MED23: variants seen among roughly 807,000 people sequenced by gnomAD.
The protein encoded by MED23 is mediator complex subunit 23.
In MED23, 105 loss-of-function variants were observed where a neutral mutation model predicts 163.9. The observed-to-expected ratio is 0.64, with a 90% CI of 0.55 to 0.75. The LOEUF (loss-of-function observed/expected upper bound fraction) is 0.75, where lower values mean the gene tolerates loss of function less well. Among genes scored for constraint, MED23 ranks in the 30% least tolerant of loss-of-function variants. The pLI is 0.00. For missense variants in MED23, 1,054 were observed against 1,649.0 expected, an observed-to-expected ratio of 0.64 and a Z score of 6.25; for synonymous variants, 561 against 565.6, an observed-to-expected ratio of 0.99 and a Z score of 0.12.
At chr6:131,618,337 T>A (rs916238861) in intron 9 of MED23, 70 bp downstream of exon 9, 2 of 984,672 alleles carry the variant, frequency 2.0e-6, no homozygotes, top group African/African-American at 3.2e-5. Flanking sequence ...CAATTTAGCA[T>A]CACATATCTT....
intron 30 of MED23, chr6:131,579,815 A>T (rs1773823481): frequency 6.2e-6 from 1 of 161,610 alleles, no homozygotes; most frequent in South Asian, 1.7e-4. Context: ...CTTGTACATG[A>T]TGACTTTGTT....
intron 10 of MED23, among the ~76,000 whole-genome samples, chr6:131,612,380 C>T (rs907242765): frequency 4.0e-5 from 6 of 151,552 alleles, no homozygotes; most frequent in African/African-American, 9.7e-5. Flanking sequence ...AAGACAGGTA[C>T]ATTAAAATTA....
At position 131,610,292 on chromosome 6, in the gene MED23, A is replaced by G. The variant is rs372150991; in HGVS notation, c.877-46T>C. 10 of 1,574,484 alleles carry G rather than the reference A, an allele frequency of 6.4e-6. No homozygotes were observed. The Middle Eastern group carries it at 5.1e-4, about 80-fold the overall frequency. On this transcript the variant is annotated intron_variant, in intron 10 of 28. Transcript: ENST00000368068. The stretch of plus-strand genomic sequence containing the variant: ...ACAGTATTCCAAAAGCCTCTCGGTT[A>G]GTTTCAGAAGTTACCAGTTAATGGG...
intron 4 of MED23, 40 bp from the exon 5 acceptor site, chr6:131,623,502 AT>A: frequency 6.4e-7 from 1 of 1,552,126 alleles, no homozygotes; most frequent in Non-Finnish European, 8.9e-7. Context: ...ACAAGACAGA[AT>A]TTTCCAAGTT....
At chr6:131,608,702 G>T (rs1038612582) in intron 11 of MED23, among the ~76,000 whole-genome samples, 2 of 152,046 alleles carry the variant, frequency 1.3e-5, no homozygotes, top group African/African-American at 2.4e-5. Flanking sequence ...CACCCCACCC[G>T]GCTGGTTTTC....
At chr6:131,605,509 A>T (rs745747383) in intron 13 of MED23, 24 bp from the exon 14 acceptor site, 1 of 1,543,308 alleles carries the variant, frequency 6.5e-7, no homozygotes, top group Non-Finnish European at 8.7e-7. Context: ...TTCCATTAAA[A>T]AGAAAAAATG....
At chr6:131,617,418 G>T (rs1585553664) in intron 9 of MED23, among the ~76,000 whole-genome samples, 2 of 146,710 alleles carry the variant, frequency 1.4e-5, no homozygotes, top group Non-Finnish European at 1.5e-5. Flanking sequence ...CTATGCTATT[G>T]TAACTATGAT....
At chr6:131,613,850 T>TCC (rs1776453819) in intron 10 of MED23, among the ~76,000 whole-genome samples, 2 of 148,828 alleles carry the variant, frequency 1.3e-5, no homozygotes, top group Non-Finnish European at 3.0e-5. Flanking sequence ...TCAATTGTTT[T>TCC]GTCAATTTCT....
At position 131,598,104 on chromosome 6, in the gene MED23, AAAACAAAAAC is replaced by A. The variant is rs1366537958; in HGVS notation, c.2607+173_2607+182del. The A allele has an allele frequency of 1.1e-5, 8 of 702,614 alleles. No individual in the cohort carries two copies. The highest frequency in any genetic ancestry group is 5.7e-5 in the South Asian group (3 of 52,636). The allele number at this position is 702,614 out of a possible 1,614,324, so 43.5% of individuals were successfully genotyped here. On this transcript the variant is annotated intron_variant, in intron 20 of 28. Coordinates refer to ENST00000368068, the MANE Select transcript of MED23 (RefSeq NM_004830.4). This position sits in a 1 kb window ranked among gnomAD's most constrained non-coding sequence, Gnocchi z 4.7. ...GACCCTGTCTCAAAAAACAAACAAAAAAACAAAAACAAACAAAAACAGAAATTGGAAAATT... is the reference window on the plus strand; with the variant it reads ...GACCCTGTCTCAAAAAACAAACAAAAAAACAAAAACAGAAATTGGAAAATT...
At chr6:131,609,263 C>T (rs1373628881) in intron 11 of MED23, among the ~76,000 whole-genome samples, 1 of 152,180 alleles carries the variant, frequency 6.6e-6, no homozygotes, top group Non-Finnish European at 1.5e-5. Flanking sequence ...TTAGAACAGG[C>T]ACATGGCCAT....
chr6:131,620,588 C>T lies in MED23; in HGVS notation c.597+40G>A, dbSNP rs374115551. On this transcript the variant is annotated intron_variant, in intron 7 of 28. Coordinates refer to ENST00000368068, the MANE Select transcript of MED23 (RefSeq NM_004830.4). The stretch of plus-strand genomic sequence containing the variant: ...AGTGCTGTGAGCCACGAAGCCCAGC[C>T]GAAAATTTTTATTAAAAATTCAGGA... 4.6e-5 allele frequency: 68 copies of T among 1,481,888 alleles called. No homozygotes were observed. In the African/African-American group the frequency reaches 5.8e-4, roughly 13 times the overall value. The allele number at this position is 1,481,888 out of a possible 1,614,324, so 91.8% of individuals were successfully genotyped here. A position where few individuals can be genotyped will look rare whatever the true frequency, so the allele number is the denominator to read the frequency against.
chr6:131,583,433 C>T (rs556756212), downstream of MED23: 5 of 1,614,078 alleles, frequency 3.1e-6, no homozygotes, highest in South Asian at 2.2e-5. Context: ...GCACACCAGT[C>T]GTGGGAGGTC....
At chr6:131,621,122 T>TACAATG (rs1303289802) in intron 6 of MED23, among the ~76,000 whole-genome samples, 5 of 152,100 alleles carry the variant, frequency 3.3e-5, no homozygotes, top group African/African-American at 4.8e-5. Context: ...TTTTAAACAC[T>TACAATG]ACAATGACAA....
At position 131,628,128 on chromosome 6, in the gene MED23, G is replaced by A; in HGVS notation, c.-79C>T. ...CGAGCTCTGGGAATATAGGGGCAGAGGGGCGGAGACCTCTGGAGGAAACCG... is the reference window on the plus strand; with the variant it reads ...CGAGCTCTGGGAATATAGGGGCAGAAGGGCGGAGACCTCTGGAGGAAACCG... On this transcript the variant is annotated 5_prime_UTR_variant, in exon 1 of 29. Transcript: ENST00000368068. 6.5e-7 allele frequency: 1 copy of A among 1,533,518 alleles called. No homozygotes were observed. Among genetic ancestry groups the A allele is most frequent in the Non-Finnish European group, 9.0e-7 (1 of 1,110,384 alleles). The allele number at this position is 1,533,518 out of a possible 1,614,324, so 95.0% of individuals were successfully genotyped here.
intron 10 of MED23, among the ~76,000 whole-genome samples, chr6:131,613,952 G>T (rs564118037): frequency 6.2e-4 from 94 of 152,054 alleles, no homozygotes; most frequent in African/African-American, 2.2e-3. Context: ...AATGACCATG[G>T]GTACATTTAT....
At chr6:131,594,058 C>T in intron 23 of MED23, 41 bp downstream of exon 23, 1 of 1,449,156 alleles carries the variant, frequency 6.9e-7, no homozygotes, top group Non-Finnish European at 9.7e-7. Context: ...AATCAAAATA[C>T]TGTTATTTCT....
intron 14 of MED23, among the ~76,000 whole-genome samples, 168 bp downstream of exon 14, chr6:131,605,072 A>G (rs1011632951): frequency 6.6e-6 from 1 of 152,196 alleles, no homozygotes; most frequent in Non-Finnish European, 1.5e-5. Flanking sequence ...TTTATCCTAG[A>G]ATTCCTATAA....
chr6:131,628,032 C>T lies in MED23; in HGVS notation c.18G>A (p.Gln6=). 1.2e-6 allele frequency: 2 copies of T among 1,614,082 alleles called. No individual in the cohort carries two copies. Among genetic ancestry groups the T allele is most frequent in the Non-Finnish European group, 1.7e-6 (2 of 1,180,040 alleles). The change falls in exon 1 of 29, where the codon CAG becomes CAA. Residue 6 remains glutamine, a synonymous_variant. Coordinates refer to ENST00000368068, the MANE Select transcript of MED23 (RefSeq NM_004830.4). METQL[Q]SIFEEVVKTE... ...TCACCACCACCTCTTCGAAAATGCT[C>T]TGCAGTTGCGTCTCCATCTGTACTA... is the stretch of plus-strand genomic sequence containing the variant.
At chr6:131,587,902 C>T (rs890189065) in intron 28 of MED23, 56 bp from the exon 29 acceptor site, 9 of 1,455,456 alleles carry the variant, frequency 6.2e-6, no homozygotes, top group Non-Finnish European at 8.5e-6. Flanking sequence ...CAACTTCTCA[C>T]ATTTAAAGCA....
Sources: allele counts gnomAD v4.1 joint callset (sites outside exome capture counted in the v4.1 genomes callset), GRCh38; gene constraint gnomAD v4.1.1; non-coding constraint Gnocchi (gnomAD v3.1); transcripts MANE v1.5; gene names NCBI Gene and HGNC (gene_info 2026-07-23, HGNC 2026-07-21).